The following LTBP1 variants were observed in gnomAD, a reference collection of about 807,000 sequenced individuals.
The protein encoded by LTBP1 is latent-transforming growth factor beta-binding protein 1.
Under a neutral mutation model 207.6 loss-of-function variants are expected in LTBP1, and 129 were observed. The observed-to-expected ratio is 0.62, with a 90% CI of 0.54 to 0.72. LTBP1 has a LOEUF of 0.72. Among genes scored for constraint, LTBP1 ranks in the 30% least tolerant of loss-of-function variants. LTBP1 has a pLI of 0.00. For missense variants in LTBP1, 2,281 were observed against 2,217.2 expected (o/e 1.03, Z -0.58); for synonymous variants, 963 against 833.7 (o/e 1.16, Z -2.67).
At chr2:33,339,256 C>T (rs1034713967) in intron 24 of LTBP1, among the ~76,000 whole-genome samples, 3 of 151,906 alleles carry the variant, frequency 2.0e-5, no homozygotes, top group Admixed American at 6.6e-5. Context: ...ATAATAAATT[C>T]GTTTATTATG....
chr2:33,028,655 A>G (rs748912945), intron 3 of LTBP1, among the ~76,000 whole-genome samples: 4 of 152,196 alleles, frequency 2.6e-5, no homozygotes, highest in Non-Finnish European at 5.9e-5. Context: ...TAGTTCAGCT[A>G]TTCAAGTACC....
chr2:33,032,527 A>G (rs1219959062), intron 3 of LTBP1, among the ~76,000 whole-genome samples: 1 of 152,180 alleles, frequency 6.6e-6, no homozygotes, highest in Non-Finnish European at 1.5e-5. Flanking sequence ...CTACATCTTG[A>G]TTATCCTGTA....
chr2:33,175,081 C>T (rs2085887927), intron 5 of LTBP1, among the ~76,000 whole-genome samples: 1 of 152,090 alleles, frequency 6.6e-6, no homozygotes, highest in South Asian at 2.1e-4. Flanking sequence ...CATTACCATT[C>T]AGGACATAGG....
chr2:33,184,739 T>G (rs1001017107), intron 5 of LTBP1, among the ~76,000 whole-genome samples: 18 of 151,648 alleles, frequency 1.2e-4, no homozygotes, highest in Non-Finnish European at 2.4e-4. Flanking sequence ...TTTGACAGAG[T>G]GATAGGTATA....
At chr2:32,979,739 T>A (rs1188689528) in intron 2 of LTBP1, among the ~76,000 whole-genome samples, 1 of 151,992 alleles carries the variant, frequency 6.6e-6, no homozygotes, top group Non-Finnish European at 1.5e-5. Context: ...TTTGTTGATA[T>A]TCTGTCTGGA....
intron 24 of LTBP1, among the ~76,000 whole-genome samples, chr2:33,323,777 C>T (rs2094389776): frequency 6.6e-6 from 1 of 152,198 alleles, no homozygotes; most frequent in Non-Finnish European, 1.5e-5. Context: ...AGGAAACATT[C>T]TTAATAAGAT....
intron 31 of LTBP1, among the ~76,000 whole-genome samples, chr2:33,371,786 T>C (rs988044936): frequency 1.3e-5 from 2 of 152,258 alleles, no homozygotes; most frequent in African/African-American, 2.4e-5. Flanking sequence ...CTCTGCCTTA[T>C]CTGGTTTCAG....
chr2:33,334,309 C>A (rs1247262526), intron 24 of LTBP1, among the ~76,000 whole-genome samples: 1 of 152,218 alleles, frequency 6.6e-6, no homozygotes, highest in Non-Finnish European at 1.5e-5. Flanking sequence ...GTGGCAAAGG[C>A]CTCTATGCCA....
chr2:33,133,682 G>A (rs2081957641), intron 4 of LTBP1, among the ~76,000 whole-genome samples: 1 of 152,134 alleles, frequency 6.6e-6, no homozygotes, highest in Non-Finnish European at 1.5e-5. Context: ...ATGAATGAGG[G>A]TGGCTGTGTT....
intron 24 of LTBP1, among the ~76,000 whole-genome samples, chr2:33,336,195 A>G (rs1452188771): frequency 2.0e-5 from 3 of 152,244 alleles, no homozygotes; most frequent in African/African-American, 7.2e-5. Flanking sequence ...GTCAAAGAGT[A>G]ACAGATGGTG....
chr2:33,177,694 A>G (rs1235180723), intron 5 of LTBP1, among the ~76,000 whole-genome samples: 1 of 152,198 alleles, frequency 6.6e-6, no homozygotes, highest in Non-Finnish European at 1.5e-5. Flanking sequence ...AAAGAAATGC[A>G]GACAAGCTAA....
chr2:33,035,424 A>C (rs1476236485), intron 3 of LTBP1, among the ~76,000 whole-genome samples: 1 of 152,246 alleles, frequency 6.6e-6, no homozygotes, highest in East Asian at 1.9e-4. Context: ...TTATCTTTTC[A>C]TAGGCTAAAC....
At chr2:32,998,141 C>A (rs765309510) in intron 2 of LTBP1, among the ~76,000 whole-genome samples, 12 of 152,132 alleles carry the variant, frequency 7.9e-5, no homozygotes, top group Admixed American at 1.3e-4. Context: ...CCTCCCCAGA[C>A]CTAATAATCA....
In LTBP1 at chr2:33,257,358, C is replaced by T. The variant is rs2092891602; in HGVS notation, c.2242C>T (p.His748Tyr). Residue 748 changes from histidine to tyrosine, a missense_variant, in exon 12 of 34, where the codon CAC (histidine) becomes TAC (tyrosine). Physicochemically the swap from His to Tyr is moderately conservative, Grantham distance 83. Transcript: ENST00000404816. ...SGVHRRRPIH[H>Y]HVGKGPVFVK... Reference sequence around the variant, plus strand: ...CGTTCATAGACGCAGGCCAATCCATCACCATGTAGGTAAAGGACCTGTATT... The same window carrying T: ...CGTTCATAGACGCAGGCCAATCCATTACCATGTAGGTAAAGGACCTGTATT... 6.2e-7 allele frequency: 1 copy of T among 1,614,198 alleles called. No individual in the cohort carries two copies. Among genetic ancestry groups the T allele is most frequent in the Non-Finnish European group, 8.5e-7 (1 of 1,180,026 alleles).
At chr2:33,241,661 A>G (rs1415841920) in intron 9 of LTBP1, among the ~76,000 whole-genome samples, 1 of 152,208 alleles carries the variant, frequency 6.6e-6, no homozygotes, top group Admixed American at 6.5e-5. Flanking sequence ...GAGGAATGCT[A>G]ATAATCATAC....
At chr2:32,985,946 C>G (rs781560636) in intron 2 of LTBP1, among the ~76,000 whole-genome samples, 4 of 151,514 alleles carry the variant, frequency 2.6e-5, no homozygotes, top group Non-Finnish European at 5.9e-5. Context: ...GCTTCTCTGC[C>G]TGTCTGTTTC....
chr2:33,082,432 CTTTTTTTTTTTTTTTTTTTTTTT>C (rs56058653), intron 3 of LTBP1, among the ~76,000 whole-genome samples: 1 of 29,322 alleles, frequency 3.4e-5, no homozygotes, highest in Non-Finnish European at 7.3e-5. Context: ...GTATGACTCA[CTTTTTTTTTTTTTTTTTTTTTTT>C]TTTTTTTTTT....
intron 12 of LTBP1, among the ~76,000 whole-genome samples, chr2:33,259,318 T>C (rs2092948669): frequency 6.6e-6 from 1 of 152,228 alleles, no homozygotes. Context: ...TGCCTTCTTC[T>C]TTTAATTTTA....
At chr2:32,976,264 G>A (rs72613867) in intron 2 of LTBP1, among the ~76,000 whole-genome samples, 26,189 of 152,026 alleles carry the variant, frequency 0.17, 3,277 homozygotes, top group East Asian at 0.68. Context: ...AGGTGTTCCC[G>A]GTCCACTGAC....
Sources: allele counts gnomAD v4.1 joint callset (sites outside exome capture counted in the v4.1 genomes callset), GRCh38; gene constraint gnomAD v4.1.1; transcripts MANE v1.5; gene names NCBI Gene and HGNC (gene_info 2026-07-23, HGNC 2026-07-21).